The following GPC5 variants were observed in gnomAD, a reference collection of about 807,000 sequenced individuals.
GPC5 encodes the protein glypican-5.
In GPC5, 47 loss-of-function variants were observed where a neutral mutation model predicts 53.9. The observed-to-expected ratio is 0.87, with a 90% CI of 0.69 to 1.11. The LOEUF (loss-of-function observed/expected upper bound fraction) is 1.11, where lower values mean the gene tolerates loss of function less well. Ranked by LOEUF, GPC5 falls within the 50% of genes most tolerant of loss-of-function variation. GPC5 has a pLI of 0.00. For missense variants in GPC5, 748 were observed against 713.1 expected, an observed-to-expected ratio of 1.05 and a Z score of -0.56; for synonymous variants, 286 against 263.3, an observed-to-expected ratio of 1.09 and a Z score of -0.84.
intron 5 of GPC5, among the ~76,000 whole-genome samples, chr13:91,807,282 T>C (rs1282628645): frequency 6.6e-6 from 1 of 152,176 alleles, no homozygotes; most frequent in Non-Finnish European, 1.5e-5. Flanking sequence ...ACCCCACATC[T>C]TGTTTTTTCA....
intron 6 of GPC5, among the ~76,000 whole-genome samples, chr13:91,972,114 G>C (rs1476996171): frequency 1.3e-5 from 2 of 152,052 alleles, no homozygotes; most frequent in African/African-American, 4.8e-5. Context: ...TCTCTTTGTA[G>C]GTCACTAAGG....
chr13:92,529,015 T>C (rs1030784072), intron 7 of GPC5, among the ~76,000 whole-genome samples: 4 of 152,046 alleles, frequency 2.6e-5, no homozygotes, highest in African/African-American at 4.8e-5. Context: ...CCATTTTACA[T>C]TGGAAAAAAA....
intron 2 of GPC5, among the ~76,000 whole-genome samples, chr13:91,484,494 T>A (rs994230922): frequency 2.0e-5 from 3 of 152,196 alleles, no homozygotes; most frequent in Non-Finnish European, 4.4e-5. Flanking sequence ...ATCTAAATTC[T>A]GAGAAAGTTT....
intron 7 of GPC5, among the ~76,000 whole-genome samples, chr13:92,229,684 G>A (rs1195297061): frequency 2.0e-5 from 3 of 152,084 alleles, no homozygotes; most frequent in Non-Finnish European, 4.4e-5. Context: ...GTATAATTCA[G>A]CCGAAACCAC....
At chr13:92,347,059 A>G (rs968830225) in intron 7 of GPC5, among the ~76,000 whole-genome samples, 2 of 152,158 alleles carry the variant, frequency 1.3e-5, no homozygotes, top group African/African-American at 4.8e-5. Context: ...CACCATGAAG[A>G]GACCAAACTT....
rs559137627 is a variant in GPC5, at chr13:92,363,805, A to G, written c.1561+218816A>G. ...AATCCAGCAATGAACAATGTCCAGC[A>G]TACAATTATAAATACAGAAAAGCAA... On this transcript the variant is annotated intron_variant, in intron 7 of 7. Coordinates refer to ENST00000377067, the MANE Select transcript of GPC5 (RefSeq NM_004466.6). 1.8e-4 allele frequency among the ~76,000 whole-genome samples: 27 copies of G among 151,964 alleles called. 1 individual carries two copies. The highest frequency in any genetic ancestry group is 6.6e-4 in the African/African-American group (27 of 41,190).
intron 7 of GPC5, among the ~76,000 whole-genome samples, chr13:92,380,810 A>G (rs2043732789): frequency 6.6e-6 from 1 of 151,432 alleles, no homozygotes; most frequent in Admixed American, 6.6e-5. Context: ...CTAATGCTAG[A>G]TGACGAGTTA....
chr13:91,732,500 T>C (rs1012717329), intron 4 of GPC5, among the ~76,000 whole-genome samples: 11 of 152,206 alleles, frequency 7.2e-5, no homozygotes, highest in African/African-American at 2.7e-4. Flanking sequence ...ATAGTTTCTT[T>C]TGCTGTGCAG....
intron 2 of GPC5, among the ~76,000 whole-genome samples, chr13:91,520,227 G>A (rs1329543548): frequency 1.3e-5 from 2 of 152,110 alleles, no homozygotes; most frequent in Non-Finnish European, 2.9e-5. Context: ...AAATAAAAAG[G>A]GTTATAGAGG....
At chr13:91,684,488 T>A (rs769842560) in intron 2 of GPC5, among the ~76,000 whole-genome samples, 5 of 152,170 alleles carry the variant, frequency 3.3e-5, no homozygotes, top group Admixed American at 6.5e-5. Context: ...AGTCTTCAGA[T>A]TTATCCTTCA....
intron 7 of GPC5, among the ~76,000 whole-genome samples, chr13:92,540,823 C>G (rs757048681): frequency 4.6e-5 from 7 of 151,730 alleles, no homozygotes; most frequent in Non-Finnish European, 8.8e-5. Context: ...TGACCATTGT[C>G]CTTACAAAAC....
chr13:92,108,488 C>T (rs1174141279), intron 6 of GPC5, among the ~76,000 whole-genome samples: 1 of 152,174 alleles, frequency 6.6e-6, no homozygotes, highest in Non-Finnish European at 1.5e-5. Flanking sequence ...CCTTTGAGCT[C>T]CAGTGTCTTA....
intron 7 of GPC5, among the ~76,000 whole-genome samples, chr13:92,652,726 A>C (rs761067998): frequency 7.2e-5 from 11 of 152,184 alleles, no homozygotes; most frequent in Non-Finnish European, 5.9e-5. Flanking sequence ...TATTGATCAG[A>C]TGATCTAAAA....
intron 7 of GPC5, among the ~76,000 whole-genome samples, chr13:92,781,693 A>G (rs1876028653): frequency 6.6e-6 from 1 of 152,212 alleles, no homozygotes; most frequent in African/African-American, 2.4e-5. Flanking sequence ...ATAAGGATGC[A>G]TAAAATAAAT....
rs192897307 is a variant in GPC5 at position 91,781,845 on chromosome 13, T to C, written c.1280+25425T>C. 3.9e-5 allele frequency among the ~76,000 whole-genome samples: 6 copies of C among 152,294 alleles called. 1 individual carries two copies. The highest frequency in any genetic ancestry group is 1.4e-4 in the African/African-American group (6 of 41,580). Reference sequence around the variant, plus strand: ...TACTATAAACAATAAACTTCCACTCTTCCTCACCTCTCCTTTCTTCAAATG... The same window carrying C: ...TACTATAAACAATAAACTTCCACTCCTCCTCACCTCTCCTTTCTTCAAATG... On this transcript the variant is annotated intron_variant, in intron 5 of 7. Transcript: ENST00000377067.
intron 7 of GPC5, among the ~76,000 whole-genome samples, chr13:92,327,517 G>A (rs1388971836): frequency 1.3e-5 from 2 of 152,150 alleles, no homozygotes; most frequent in African/African-American, 4.8e-5. Context: ...AGGTCAGAAG[G>A]ACAAGTTCAG....
chr13:92,520,237 C>T (rs9516085), intron 7 of GPC5, among the ~76,000 whole-genome samples: 17,559 of 152,118 alleles, frequency 0.12, 1,134 homozygotes, highest in Non-Finnish European at 0.15. Context: ...TGAAACTATT[C>T]CAATCAGTAG....
chr13:92,820,184 C>T (rs1349506618), intron 7 of GPC5, among the ~76,000 whole-genome samples: 1 of 152,116 alleles, frequency 6.6e-6, no homozygotes, highest in Non-Finnish European at 1.5e-5. Flanking sequence ...ACAATTTATG[C>T]CCTATCAATC....
At chr13:92,844,952 T>C (rs1044461489) in intron 7 of GPC5, among the ~76,000 whole-genome samples, 1 of 152,052 alleles carries the variant, frequency 6.6e-6, no homozygotes, top group Non-Finnish European at 1.5e-5. Flanking sequence ...ACAGATACAG[T>C]TGGAAGGAAA....
Sources: allele counts gnomAD v4.1 joint callset (sites outside exome capture counted in the v4.1 genomes callset), GRCh38; gene constraint gnomAD v4.1.1; transcripts MANE v1.5; gene names NCBI Gene and HGNC (gene_info 2026-07-23, HGNC 2026-07-21).